Variants in SLCO1A2 observed in about 807,000 individuals in gnomAD.
SLCO1A2 encodes the protein solute carrier organic anion transporter family member 1A2.
In SLCO1A2, 67 loss-of-function variants were observed where a neutral mutation model predicts 69.0. The ratio of observed to expected loss-of-function variants is 0.97; its 90% CI spans 0.80 to 1.19. The LOEUF is 1.19. Ranked by LOEUF, SLCO1A2 falls within the 50% of genes most tolerant of loss-of-function variation. The probability of loss-of-function intolerance (pLI) is 0.00; values close to 1 mark genes in which losing one functional copy is unlikely to be tolerated. For synonymous variants in SLCO1A2, 260 were observed against 265.9 expected, an observed-to-expected ratio of 0.98 and a Z score of 0.22; for missense variants, 787 against 793.7, an observed-to-expected ratio of 0.99 and a Z score of 0.10.
intron 2 of SLCO1A2, among the ~76,000 whole-genome samples, chr12:21,370,984 T>C (rs1456659505): frequency 6.6e-6 from 1 of 152,244 alleles, no homozygotes; most frequent in Non-Finnish European, 1.5e-5. Flanking sequence ...GTTACAGCTC[T>C]GGCATTTATA....
In SLCO1A2 at chr12:21,267,828, A is replaced by G. The variant is rs1199179366; in HGVS notation, c.*1720T>C. The G allele has an allele frequency of 6.6e-6, 1 of 151,982 alleles. No homozygotes were observed. The highest frequency in any genetic ancestry group is 2.4e-5 in the African/African-American group (1 of 41,394). 9.4% of individuals were successfully genotyped at this position (151,982 alleles called of 1,614,324 possible). On this transcript the variant is annotated 3_prime_UTR_variant, in exon 15 of 15. Transcript: ENST00000683939. ...GCCATTCTCCTCACTTCCTCCCACC[A>G]CAAAGGAAGTGGCTCCAAATTTCAT... is the stretch of plus-strand genomic sequence containing the variant.
chr12:21,382,261 A>C (rs1940632316), intron 1 of SLCO1A2, among the ~76,000 whole-genome samples: 1 of 152,174 alleles, frequency 6.6e-6, no homozygotes, highest in Non-Finnish European at 1.5e-5. Context: ...TCTCACTTAC[A>C]AGGGGGAGCT....
chr12:21,308,366 G>A (rs943550427), intron 4 of SLCO1A2, among the ~76,000 whole-genome samples: 3 of 152,162 alleles, frequency 2.0e-5, no homozygotes, highest in African/African-American at 7.2e-5. Flanking sequence ...TATGAGAAGT[G>A]CAACTCTAAG....
intron 6 of SLCO1A2, among the ~76,000 whole-genome samples, chr12:21,303,457 A>T (rs898341246): frequency 6.6e-6 from 1 of 152,134 alleles, no homozygotes; most frequent in Admixed American, 6.5e-5. Flanking sequence ...TGGGTTAATG[A>T]TCCCTCAATA....
At chr12:21,366,793 T>C (rs936374689) in intron 2 of SLCO1A2, among the ~76,000 whole-genome samples, 9 of 151,896 alleles carry the variant, frequency 5.9e-5, no homozygotes, top group African/African-American at 2.2e-4. Context: ...AAGTTGTTTT[T>C]TTATGGAAAA....
rs1302085510 is a variant in SLCO1A2 at position 21,274,543 on chromosome 12, G to A, written c.1719C>T (p.Ser573=). ...TCAAAGTTCCCCAGTGTAAACATGT[G>A]GAATCCATTAAAGCGCCAAAATATA... is the stretch of plus-strand genomic sequence containing the variant. ...APIYFGALMD[S]TCLHWGTLKC... is the part of the protein sequence containing the mutation. Residue 573 remains serine, a synonymous_variant, in exon 14 of 15, where the codon TCC becomes TCT. Coordinates refer to ENST00000683939, the MANE Select transcript of SLCO1A2 (RefSeq NM_001386879.1). 15 of 1,613,678 alleles carry A rather than the reference G, an allele frequency of 9.3e-6. No homozygotes were observed. The highest frequency in any genetic ancestry group is 1.7e-4 in the Middle Eastern group (1 of 6,056).
intron 12 of SLCO1A2, among the ~76,000 whole-genome samples, chr12:21,282,196 T>C (rs2417972): frequency 0.28 from 41,965 of 151,330 alleles, 6,218 homozygotes; most frequent in African/African-American, 0.35. Flanking sequence ...AAAATACTAT[T>C]AAACCAAATT....
At chr12:21,326,158 G>A (rs1952207604) in intron 2 of SLCO1A2, among the ~76,000 whole-genome samples, 1 of 152,200 alleles carries the variant, frequency 6.6e-6, no homozygotes, top group Non-Finnish European at 1.5e-5. Context: ...TTGCCACCAT[G>A]TAAGACATGC....
intron 2 of SLCO1A2, among the ~76,000 whole-genome samples, chr12:21,330,690 G>A (rs192738441): frequency 6.6e-6 from 1 of 152,180 alleles, no homozygotes; most frequent in African/African-American, 2.4e-5. Flanking sequence ...TAAAGTCCTT[G>A]CATTAAGAGT....
chr12:21,360,135 G>T (rs1035201956), intron 2 of SLCO1A2, among the ~76,000 whole-genome samples: 2 of 152,100 alleles, frequency 1.3e-5, no homozygotes, highest in Admixed American at 6.5e-5. Flanking sequence ...CTGAGGAGTG[G>T]GTTGGGGAGT....
At chr12:21,333,576 T>G (rs1389413126) in intron 2 of SLCO1A2, among the ~76,000 whole-genome samples, 2 of 152,118 alleles carry the variant, frequency 1.3e-5, no homozygotes, top group Non-Finnish European at 1.5e-5. Context: ...GCATTTTGTC[T>G]TAACATCCAC....
intron 2 of SLCO1A2, among the ~76,000 whole-genome samples, chr12:21,371,401 A>ATT (rs71444118): frequency 6.6e-6 from 1 of 151,608 alleles, no homozygotes; most frequent in Non-Finnish European, 1.5e-5. Context: ...ATTTCTTTTG[A>ATT]TTTTTTTTCT....
At chr12:21,308,149 T>A (rs1156687417) in intron 4 of SLCO1A2, among the ~76,000 whole-genome samples, 1 of 152,214 alleles carries the variant, frequency 6.6e-6, no homozygotes, top group African/African-American at 2.4e-5. Flanking sequence ...ATATGTTTTG[T>A]TAATTTATCC....
intron 1 of SLCO1A2, among the ~76,000 whole-genome samples, chr12:21,382,277 A>C (rs1445428855): frequency 2.6e-5 from 4 of 152,186 alleles, no homozygotes; most frequent in Non-Finnish European, 5.9e-5. Flanking sequence ...GAGCTAAGCT[A>C]TCAGTTATGC....
intron 1 of SLCO1A2, among the ~76,000 whole-genome samples, chr12:21,382,785 C>G (rs1176478353): frequency 7.3e-6 from 1 of 136,600 alleles, no homozygotes; most frequent in Admixed American, 7.4e-5. Context: ...ACAGAAGAAA[C>G]TCCGTCTCAA....
chr12:21,389,068 T>A (rs767952557), intron 1 of SLCO1A2, among the ~76,000 whole-genome samples: 9 of 152,194 alleles, frequency 5.9e-5, no homozygotes, highest in Non-Finnish European at 1.2e-4. Context: ...GCCCTGTCAA[T>A]ATTTGCGAGC....
intron 2 of SLCO1A2, among the ~76,000 whole-genome samples, chr12:21,346,955 G>A (rs148461732): frequency 1.3e-5 from 2 of 151,434 alleles, no homozygotes; most frequent in East Asian, 3.9e-4. Flanking sequence ...GTCTATGTTC[G>A]GATTTGTTTC....
At chr12:21,277,816 CAG>C (rs1261007446) in intron 12 of SLCO1A2, among the ~76,000 whole-genome samples, 3 of 152,158 alleles carry the variant, frequency 2.0e-5, no homozygotes, top group Non-Finnish European at 4.4e-5. Context: ...AGGCAGAACT[CAG>C]GGGGTAATGC....
At chr12:21,407,392 C>T (rs933976466) in intron 1 of SLCO1A2, among the ~76,000 whole-genome samples, 5 of 152,100 alleles carry the variant, frequency 3.3e-5, no homozygotes, top group Non-Finnish European at 7.4e-5. Context: ...GAGCAGAGGC[C>T]AGGTCATGTA....
Sources: allele counts gnomAD v4.1 joint callset (sites outside exome capture counted in the v4.1 genomes callset), GRCh38; gene constraint gnomAD v4.1.1; transcripts MANE v1.5; gene names NCBI Gene and HGNC (gene_info 2026-07-23, HGNC 2026-07-21).